CDKAL1: variants seen among roughly 807,000 people sequenced by gnomAD.
CDKAL1 encodes threonylcarbamoyladenosine tRNA methylthiotransferase.
A neutral mutation model predicts 68.2 loss-of-function variants in CDKAL1; 32 were observed. The ratio of observed to expected loss-of-function variants is 0.47; its 90% confidence interval spans 0.35 to 0.63. The LOEUF is 0.63. CDKAL1 is among the 30% of genes least tolerant of loss of function. CDKAL1 has a pLI of 0.00. For missense variants in CDKAL1, 606 were observed against 696.7 expected (o/e 0.87, Z 1.47); for synonymous variants, 234 against 244.3 (o/e 0.96, Z 0.39).
intron 13 of CDKAL1, among the ~76,000 whole-genome samples, chr6:21,165,774 A>G (rs1777126125): frequency 6.6e-6 from 1 of 152,236 alleles, no homozygotes; most frequent in African/African-American, 2.4e-5. Context: ...GTACTCTGCG[A>G]TGACAGCACA....
chr6:20,782,917 C>T (rs1775491626), intron 8 of CDKAL1, among the ~76,000 whole-genome samples: 1 of 152,058 alleles, frequency 6.6e-6, no homozygotes, highest in African/African-American at 2.4e-5. Context: ...ACACTTTCTC[C>T]TGAAAAATGC....
At chr6:20,794,066 A>G (rs1776013541) in intron 8 of CDKAL1, among the ~76,000 whole-genome samples, 1 of 151,616 alleles carries the variant, frequency 6.6e-6, no homozygotes, top group African/African-American at 2.4e-5. Flanking sequence ...GCTTTAATTG[A>G]CTGATCTTTT....
intron 12 of CDKAL1, among the ~76,000 whole-genome samples, chr6:21,102,256 C>T (rs1773614058): frequency 6.6e-6 from 1 of 152,136 alleles, no homozygotes; most frequent in Admixed American, 6.5e-5. Flanking sequence ...CTGAACTCTC[C>T]CATCAGAAAT....
In CDKAL1 at chr6:21,231,140, G is replaced by T. The variant is rs1044405590; in HGVS notation, c.*101G>T. 24 of 901,322 alleles carry T rather than the reference G, an allele frequency of 2.7e-5. No homozygotes were observed. The highest frequency in any genetic ancestry group is 5.1e-5 in the Admixed American group (2 of 39,046). The allele number at this position is 901,322 out of a possible 1,614,324, so 55.8% of individuals were successfully genotyped here. On this transcript the variant is annotated 3_prime_UTR_variant, in exon 16 of 16. Transcript: ENST00000274695. ...CTCCATTCTCCAAGGGCAATAATTT[G>T]TACTGGTCATGCTGCCTCCTTCTCA...
At chr6:21,051,339 A>G (rs1245596886) in intron 11 of CDKAL1, among the ~76,000 whole-genome samples, 2 of 152,160 alleles carry the variant, frequency 1.3e-5, no homozygotes, top group African/African-American at 4.8e-5. Flanking sequence ...ACACTACTGC[A>G]CTCCAACCTA....
intron 4 of CDKAL1, among the ~76,000 whole-genome samples, chr6:20,638,647 C>T (rs7341291): frequency 0.39 from 58,629 of 148,608 alleles, 12,650 homozygotes; most frequent in Middle Eastern, 0.52. Flanking sequence ...GAGTCTCACT[C>T]TGTCTCCAGG....
intron 15 of CDKAL1, among the ~76,000 whole-genome samples, chr6:21,222,494 T>C (rs918532223): frequency 1.3e-5 from 2 of 152,226 alleles, no homozygotes; most frequent in Admixed American, 1.3e-4. Flanking sequence ...CCTATAATGC[T>C]GATGGACTAT....
At chr6:21,009,135 T>A (rs1767883787) in intron 11 of CDKAL1, among the ~76,000 whole-genome samples, 1 of 152,190 alleles carries the variant, frequency 6.6e-6, no homozygotes, top group Non-Finnish European at 1.5e-5. Context: ...ATTTTAGGGT[T>A]AAGAAATTTA....
chr6:20,922,463 T>A (rs1396126268), intron 9 of CDKAL1, among the ~76,000 whole-genome samples: 4 of 152,092 alleles, frequency 2.6e-5, no homozygotes, highest in Non-Finnish European at 5.9e-5. Context: ...GTATCTAAAT[T>A]AAGATTTTAA....
chr6:21,089,148 G>A (rs557818525), intron 12 of CDKAL1, among the ~76,000 whole-genome samples: 11 of 152,252 alleles, frequency 7.2e-5, no homozygotes, highest in South Asian at 6.2e-4. Context: ...AGTTGATGGT[G>A]AGATGAATGT....
chr6:21,002,222 G>A (rs9350311), intron 11 of CDKAL1, among the ~76,000 whole-genome samples: 1 of 151,936 alleles, frequency 6.6e-6, no homozygotes, highest in Non-Finnish European at 1.5e-5. Flanking sequence ...GGGTCCTTTC[G>A]TTGGATTCTG....
intron 11 of CDKAL1, among the ~76,000 whole-genome samples, chr6:21,008,923 C>T (rs1434649012): frequency 6.6e-6 from 1 of 152,062 alleles, no homozygotes; most frequent in Non-Finnish European, 1.5e-5. Context: ...TGATACATTC[C>T]TTTTAATAGC....
rs553373982 is a variant in CDKAL1, at chr6:20,721,819, G to A, written c.372-17700G>A. 1.9e-4 allele frequency among the ~76,000 whole-genome samples: 25 copies of A among 132,550 alleles called. No homozygotes were observed. In the East Asian group the frequency reaches 6.0e-3, roughly 32 times the overall value. The allele number at this position is 132,550 out of a possible 152,430, so 87.0% of individuals were successfully genotyped here. On this transcript the variant is annotated intron_variant, in intron 5 of 15. Transcript: ENST00000274695. ...ATGGTATCAGCTCACTGCAACCTCC[G>A]CCTCCTGGGTTCAAACAATTCTCCT...
intron 5 of CDKAL1, among the ~76,000 whole-genome samples, chr6:20,703,389 G>T (rs1480482299): frequency 6.6e-6 from 1 of 151,870 alleles, no homozygotes; most frequent in African/African-American, 2.4e-5. Context: ...TTATTATCTG[G>T]CACTTTACAT....
chr6:20,993,274 A>T (rs1391922553), intron 10 of CDKAL1, among the ~76,000 whole-genome samples: 1 of 152,222 alleles, frequency 6.6e-6, no homozygotes, highest in African/African-American at 2.4e-5. Context: ...AAACTATTTT[A>T]AAAATATTTA....
At chr6:20,707,402 CT>C (rs1771651331) in intron 5 of CDKAL1, among the ~76,000 whole-genome samples, 1 of 152,190 alleles carries the variant, frequency 6.6e-6, no homozygotes, top group South Asian at 2.1e-4. Context: ...CCACAGAATG[CT>C]TTTATCATGT....
At chr6:20,940,146 GCCA>G (rs1248870547) in intron 9 of CDKAL1, among the ~76,000 whole-genome samples, 2 of 152,094 alleles carry the variant, frequency 1.3e-5, no homozygotes, top group East Asian at 3.9e-4. Context: ...ATTTGTGAAT[GCCA>G]CTTTTTAATT....
chr6:20,824,290 A>G (rs1234238676), intron 8 of CDKAL1, among the ~76,000 whole-genome samples: 1 of 152,136 alleles, frequency 6.6e-6, no homozygotes, highest in Non-Finnish European at 1.5e-5. Context: ...TGAATTAGTT[A>G]TCTATTGCTG....
At chr6:20,567,392 C>T (rs1269492662) in intron 4 of CDKAL1, among the ~76,000 whole-genome samples, 2 of 151,934 alleles carry the variant, frequency 1.3e-5, no homozygotes, top group African/African-American at 4.8e-5. Flanking sequence ...TTCACTATTA[C>T]ATGTAAATGT....
Sources: allele counts gnomAD v4.1 joint callset (sites outside exome capture counted in the v4.1 genomes callset), GRCh38; gene constraint gnomAD v4.1.1; transcripts MANE v1.5; gene names NCBI Gene and HGNC (gene_info 2026-07-23, HGNC 2026-07-21).